CEP70: variants seen among roughly 807,000 people sequenced by gnomAD.
The protein encoded by CEP70 is centrosomal protein 70.
Under a neutral mutation model 90.9 loss-of-function variants are expected in CEP70, and 70 were observed. The observed-to-expected ratio is 0.77, with a 90% CI of 0.64 to 0.94. CEP70 has a LOEUF of 0.94. CEP70 is among the 40% of genes least tolerant of loss of function. The pLI, the probability that CEP70 is intolerant of heterozygous loss-of-function variation, is 0.00. For missense variants in CEP70, 648 were observed against 669.0 expected (o/e 0.97, Z 0.35); for synonymous variants, 220 against 228.3 (o/e 0.96, Z 0.33).
intron 11 of CEP70, among the ~76,000 whole-genome samples, chr3:138,509,111 C>A (rs1290857759): frequency 6.6e-6 from 1 of 152,134 alleles, no homozygotes; most frequent in Non-Finnish European, 1.5e-5. Flanking sequence ...TAGAAGGAAT[C>A]TCTGAAGACA....
chr3:138,545,885 C>A (rs2039155342), intron 6 of CEP70, among the ~76,000 whole-genome samples: 1 of 152,188 alleles, frequency 6.6e-6, no homozygotes, highest in African/African-American at 2.4e-5. Flanking sequence ...TCTCTGCTCT[C>A]AAACCCTGTT....
At position 138,582,944 on chromosome 3, in the gene CEP70, AAGAAG is replaced by A. The variant is rs1320808045; in HGVS notation, c.-6+8905_-6+8909del. 1.1e-4 allele frequency among the ~76,000 whole-genome samples: 17 copies of A among 152,246 alleles called. No individual in the cohort carries two copies. The South Asian group carries it at 2.5e-3, about 22-fold the overall frequency. Reference sequence around the variant, plus strand: ...AAAAAAAGATAGGAAAGAAGGAAAAAAGAAGAGAAGACCACAAAACAACCAGAAAA... The same window carrying A: ...AAAAAAAGATAGGAAAGAAGGAAAAAAGAAGACCACAAAACAACCAGAAAA... On this transcript the variant is annotated intron_variant, in intron 2 of 17. Transcript: ENST00000264982.
chr3:138,500,718 G>A lies in CEP70; in HGVS notation c.1368+17C>T, dbSNP rs746639683. The A allele has an allele frequency of 1.3e-5, 20 of 1,565,994 alleles. No individual in the cohort carries two copies. The East Asian group carries it at 1.6e-4, about 12-fold the overall frequency. ...AGATAAGAAACATTAGAAGGTGACC[G>A]TTCATGTAGGTATTACCTTTTCCTT... On this transcript the variant is annotated intron_variant, in intron 14 of 17. Transcript: ENST00000264982.
At chr3:138,591,788 C>T in intron 2 of CEP70, 66 bp downstream of exon 2, 1 of 1,276,454 alleles carries the variant, frequency 7.8e-7, no homozygotes, top group Non-Finnish European at 1.1e-6. Flanking sequence ...GTATAGTACT[C>T]AATAAATATT....
Position 138,529,298 on chromosome 3 carries a change from T to C in CEP70, c.781-11A>G, listed in dbSNP as rs1188406012. On this transcript the variant is annotated splice_polypyrimidine_tract_variant and intron_variant, in intron 9 of 17. Coordinates refer to ENST00000264982, the MANE Select transcript of CEP70 (RefSeq NM_024491.4). ...TTGATTCTGTAATGACTGCAACACA[T>C]TTCATAGAAAAATAATTAACTTTCT... 7.6e-6 allele frequency: 12 copies of C among 1,584,226 alleles called. No individual in the cohort carries two copies. Among genetic ancestry groups the C allele is most frequent in the Non-Finnish European group, 1.0e-5 (12 of 1,161,960 alleles).
chr3:138,494,541 G>A lies in CEP70; in HGVS notation c.*474C>T, dbSNP rs2033852339. 6.6e-6 allele frequency: 1 copy of A among 152,208 alleles called. No individual in the cohort carries two copies. Among genetic ancestry groups the A allele is most frequent in the Non-Finnish European group, 1.5e-5 (1 of 68,116 alleles). 9.4% of individuals were successfully genotyped at this position (152,208 alleles called of 1,614,324 possible). ...TCCTTTTCTTCCTCCTGCTTTGAAA[G>A]GGCAACTGTCATGAGGGATATCTTA... On this transcript the variant is annotated 3_prime_UTR_variant, in exon 18 of 18. Transcript: ENST00000264982.
rs2035213321 is a variant in CEP70 at position 138,508,588 on chromosome 3, A to G, written c.945-44T>C. 3 of 1,223,108 alleles carry G rather than the reference A, an allele frequency of 2.5e-6. No individual in the cohort carries two copies. In the African/African-American group the frequency reaches 4.5e-5, roughly 18 times the overall value. 75.8% of individuals were successfully genotyped at this position (1,223,108 alleles called of 1,614,324 possible). On this transcript the variant is annotated intron_variant, in intron 11 of 17. Transcript: ENST00000264982. ...TCAAGATAATACAAAATTACTTCCT[A>G]GACACTGGACCAAGATGATAAACTA...
chr3:138,497,821 T>A, intron 17 of CEP70: 1 of 985,388 alleles, frequency 1.0e-6, no homozygotes, highest in South Asian at 4.7e-5. Flanking sequence ...CCAACAAAGG[T>A]AGTTCCTATT....
Position 138,506,705 on chromosome 3 carries a change from A to C in CEP70, c.1051-1240T>G, listed in dbSNP as rs1319300607. Among the ~76,000 whole-genome samples the C allele has an allele frequency of 5.3e-5, 8 of 152,182 alleles. No individual in the cohort carries two copies. The East Asian group carries it at 1.5e-3, about 29-fold the overall frequency. Reference sequence around the variant, plus strand: ...AGAAGCTTTTTAAGTCCAAATTAGTATAATTCAATATTTCACTTCAAATTG... The same window carrying C: ...AGAAGCTTTTTAAGTCCAAATTAGTCTAATTCAATATTTCACTTCAAATTG... On this transcript the variant is annotated intron_variant, in intron 12 of 17. Transcript: ENST00000264982.
rs2042544273 is a variant in CEP70, at chr3:138,594,199, T to G, written c.-110A>C. On this transcript the variant is annotated splice_region_variant and 5_prime_UTR_variant, in exon 1 of 18. Coordinates refer to ENST00000264982, the MANE Select transcript of CEP70 (RefSeq NM_024491.4). ...CTGAGAGCCCCGAGAGCCACTCACC[T>G]TACTCAGTCGCCGGCCTCCCACCAG... is the stretch of plus-strand genomic sequence containing the variant. 6.6e-6 allele frequency: 1 copy of G among 152,632 alleles called. No homozygotes were observed. Among genetic ancestry groups the G allele is most frequent in the Non-Finnish European group, 1.5e-5 (1 of 68,388 alleles). 9.5% of individuals were successfully genotyped at this position (152,632 alleles called of 1,614,324 possible). A position where few individuals can be genotyped will look rare whatever the true frequency, so the allele number is the denominator to read the frequency against.
At chr3:138,538,928 T>G (rs2107827169) in intron 6 of CEP70, among the ~76,000 whole-genome samples, 1 of 152,328 alleles carries the variant, frequency 6.6e-6, no homozygotes, top group South Asian at 2.1e-4. Context: ...CAAAGTATAG[T>G]CTTATAATCA....
intron 11 of CEP70, among the ~76,000 whole-genome samples, chr3:138,523,353 T>C (rs2036873769): frequency 2.6e-5 from 4 of 152,194 alleles, no homozygotes; most frequent in Non-Finnish European, 4.4e-5. Context: ...CTATTCAACA[T>C]AGTATTGGAA....
chr3:138,531,371 C>T (rs1039801507), intron 8 of CEP70: 3 of 152,138 alleles, frequency 2.0e-5, no homozygotes, highest in African/African-American at 4.8e-5. Context: ...AACCCCAAAT[C>T]CCCTCTTCAT....
chr3:138,515,562 C>G (rs1362075269), intron 11 of CEP70, among the ~76,000 whole-genome samples: 3 of 150,934 alleles, frequency 2.0e-5, no homozygotes, highest in Non-Finnish European at 4.4e-5. Flanking sequence ...AGATCATCAT[C>G]TTGTTTGAAA....
At chr3:138,532,416 G>T in intron 8 of CEP70, 98 bp downstream of exon 8, 2 of 1,069,072 alleles carry the variant, frequency 1.9e-6, no homozygotes, top group South Asian at 2.1e-5. Context: ...ATATTAGGTG[G>T]ATTTCCATAG....
At chr3:138,504,583 T>G (rs1261549009) in intron 13 of CEP70, among the ~76,000 whole-genome samples, 3 of 152,220 alleles carry the variant, frequency 2.0e-5, no homozygotes, top group Non-Finnish European at 4.4e-5. Context: ...ATATGCTATG[T>G]ATTATATTAG....
intron 6 of CEP70, among the ~76,000 whole-genome samples, chr3:138,542,521 C>T (rs1208742575): frequency 2.6e-5 from 4 of 152,346 alleles, no homozygotes; most frequent in South Asian, 2.1e-4. Flanking sequence ...AGTCCCACCA[C>T]CCTGCTCTGG....
chr3:138,519,629 T>G (rs918925380), intron 11 of CEP70, among the ~76,000 whole-genome samples: 1 of 152,134 alleles, frequency 6.6e-6, no homozygotes, highest in African/African-American at 2.4e-5. Flanking sequence ...GACAAGCAAA[T>G]GCTGAGAGAT....
chr3:138,561,714 A>T (rs1450254828), intron 6 of CEP70, among the ~76,000 whole-genome samples: 1 of 152,192 alleles, frequency 6.6e-6, no homozygotes, highest in Non-Finnish European at 1.5e-5. Context: ...GATGGAGCTG[A>T]AAAACACAGC....
Sources: gnomAD v4.1 joint callset for allele counts (sites outside exome capture counted in the v4.1 genomes callset) on GRCh38, gnomAD v4.1.1 for gene constraint, MANE v1.5 for transcripts, NCBI Gene and HGNC (gene_info 2026-07-23, HGNC 2026-07-21) for gene names.